GABRA2: variants seen among roughly 807,000 people sequenced by gnomAD.
The protein encoded by GABRA2 is gamma-aminobutyric acid type A receptor subunit alpha2, also known as gamma-aminobutyric acid receptor subunit alpha-2.
Under a neutral mutation model 48.7 loss-of-function variants are expected in GABRA2, and 16 were observed. The observed-to-expected ratio is 0.33, with a 90% CI of 0.22 to 0.50. GABRA2 has a LOEUF of 0.50. GABRA2 is among the 20% of genes least tolerant of loss of function. The probability of loss-of-function intolerance (pLI) is 0.98; values close to 1 mark genes in which losing one functional copy is unlikely to be tolerated. For synonymous variants in GABRA2, 185 were observed against 184.5 expected (o/e 1.00, Z -0.02); for missense variants, 275 against 535.6 (o/e 0.51, Z 4.80).
chr4:46,334,099 T>C lies in GABRA2; in HGVS notation c.188-1417A>G, dbSNP rs575684765. 5.9e-5 allele frequency among the ~76,000 whole-genome samples: 9 copies of C among 152,192 alleles called. No individual in the cohort carries two copies. The South Asian group carries it at 1.2e-3, about 21-fold the overall frequency. ...TATTATAAAAGCATTAGAAAATAAA[T>C]TTATAAAATTATTTCAGATGCCACC... is the stretch of plus-strand genomic sequence containing the variant. On this transcript the variant is annotated intron_variant, in intron 3 of 9. Coordinates refer to ENST00000381620, the MANE Select transcript of GABRA2 (RefSeq NM_000807.4).
intron 8 of GABRA2, among the ~76,000 whole-genome samples, chr4:46,273,378 C>CTGTGTGTGTG (rs1181785534): frequency 1.9e-5 from 2 of 105,390 alleles, no homozygotes; most frequent in South Asian, 1.0e-3. Flanking sequence ...CTCTCTCTCC[C>CTGTGTGTGTG]TCTGTGTGTG....
At chr4:46,360,529 C>T (rs2109955383) in intron 3 of GABRA2, among the ~76,000 whole-genome samples, 1 of 152,282 alleles carries the variant, frequency 6.6e-6, no homozygotes, top group South Asian at 2.1e-4. Flanking sequence ...AATAGTAAGC[C>T]CATTAAACCT....
chr4:46,369,279 T>C (rs1242247862), intron 3 of GABRA2, among the ~76,000 whole-genome samples: 1 of 152,084 alleles, frequency 6.6e-6, no homozygotes, highest in African/African-American at 2.4e-5. Context: ...ATTGGGAATT[T>C]CAGCTTGGGG....
In GABRA2 at chr4:46,305,593, T is replaced by G; in HGVS notation, c.678A>C (p.Gly226=). The G allele has an allele frequency of 6.2e-7, 1 of 1,613,886 alleles. No individual in the cohort carries two copies. The highest frequency in any genetic ancestry group is 8.5e-7 in the Non-Finnish European group (1 of 1,179,918). The change falls in exon 7 of 10, where the codon GGA becomes GGC. Residue 226 remains glycine (G), a synonymous_variant. Coordinates refer to ENST00000381620, the MANE Select transcript of GABRA2 (RefSeq NM_000807.4). ...CTGTACTGGATTTAATTGTCTCCTT[T>G]CCGATTGATTGGCCCAGCAGGTCAT... The part of the protein sequence containing the change: ...NQYDLLGQSI[G]KETIKSSTGE...
At chr4:46,294,164 C>G (rs1724202025) in intron 8 of GABRA2, among the ~76,000 whole-genome samples, 1 of 152,200 alleles carries the variant, frequency 6.6e-6, no homozygotes, top group Non-Finnish European at 1.5e-5. Context: ...CAGACAGAAA[C>G]TAATCACTTT....
At chr4:46,252,527 C>A (rs940176592) in intron 9 of GABRA2, among the ~76,000 whole-genome samples, 3 of 151,402 alleles carry the variant, frequency 2.0e-5, no homozygotes, top group African/African-American at 7.3e-5. Flanking sequence ...TTGACCAGGT[C>A]TGCGCCTATT....
intron 3 of GABRA2, among the ~76,000 whole-genome samples, chr4:46,377,335 T>G (rs1396644412): frequency 1.4e-5 from 2 of 146,472 alleles, no homozygotes; most frequent in African/African-American, 2.6e-5. Context: ...GTGAGGAGCG[T>G]CTCTGCCCAG....
intron 3 of GABRA2, chr4:46,366,991 T>C (rs920340745): frequency 6.6e-6 from 1 of 152,090 alleles, no homozygotes; most frequent in African/African-American, 2.4e-5. Flanking sequence ...ACTGAAGCCA[T>C]AGAGCCTTTG....
chr4:46,287,588 A>C (rs1722800053), intron 8 of GABRA2, among the ~76,000 whole-genome samples: 1 of 132,352 alleles, frequency 7.6e-6, no homozygotes, highest in African/African-American at 2.9e-5. Flanking sequence ...ATGAGATCAC[A>C]TGGACACAGG....
intron 8 of GABRA2, among the ~76,000 whole-genome samples, chr4:46,291,781 A>ATG (rs1553906990): frequency 4.0e-5 from 6 of 149,838 alleles, no homozygotes; most frequent in Non-Finnish European, 8.9e-5. Flanking sequence ...ACACACATAT[A>ATG]TATATATATA....
chr4:46,296,372 A>G (rs976487584), intron 8 of GABRA2, among the ~76,000 whole-genome samples: 1 of 152,146 alleles, frequency 6.6e-6, no homozygotes, highest in African/African-American at 2.4e-5. Context: ...TTGAACTAGA[A>G]GTTAAGATTG....
At chr4:46,276,614 AAAG>A (rs1206867129) in intron 8 of GABRA2, among the ~76,000 whole-genome samples, 9 of 152,004 alleles carry the variant, frequency 5.9e-5, no homozygotes, top group African/African-American at 1.7e-4. Flanking sequence ...AAAAAAAAAA[AAAG>A]AGCGTAGTTT....
At chr4:46,291,796 T>TATATATATATAC (rs1292821999) in intron 8 of GABRA2, among the ~76,000 whole-genome samples, 181 of 150,260 alleles carry the variant, frequency 1.2e-3, no homozygotes, top group African/African-American at 4.3e-3. Context: ...TATATACATA[T>TATATATATATAC]ACATATATAT....
At chr4:46,343,633 C>T (rs1733664173) in intron 3 of GABRA2, among the ~76,000 whole-genome samples, 1 of 151,904 alleles carries the variant, frequency 6.6e-6, no homozygotes, top group Non-Finnish European at 1.5e-5. Context: ...ACAGGCACAG[C>T]TAACATGCAC....
intron 3 of GABRA2, among the ~76,000 whole-genome samples, chr4:46,373,684 C>T (rs748721849): frequency 1.3e-5 from 2 of 152,118 alleles, no homozygotes; most frequent in African/African-American, 2.4e-5. Context: ...AAATCCTCTG[C>T]TTCCTTAAAA....
At chr4:46,317,577 T>G (rs989023318) in intron 4 of GABRA2, among the ~76,000 whole-genome samples, 2 of 151,658 alleles carry the variant, frequency 1.3e-5, no homozygotes, top group African/African-American at 4.8e-5. Context: ...CCTAGTTAGG[T>G]GAATTTACAA....
At chr4:46,275,039 G>A (rs1050637156) in intron 8 of GABRA2, among the ~76,000 whole-genome samples, 1 of 152,036 alleles carries the variant, frequency 6.6e-6, no homozygotes, top group African/African-American at 2.4e-5. Flanking sequence ...TTCCCACCTT[G>A]GGAAAGAATT....
intron 3 of GABRA2, among the ~76,000 whole-genome samples, chr4:46,384,669 C>G (rs1717206847): frequency 1.3e-5 from 2 of 152,084 alleles, no homozygotes; most frequent in South Asian, 4.1e-4. Flanking sequence ...TGCAATATGC[C>G]TCTTAAACCA....
intron 9 of GABRA2, among the ~76,000 whole-genome samples, chr4:46,253,133 G>A (rs1286844946): frequency 2.7e-5 from 4 of 150,934 alleles, no homozygotes; most frequent in Admixed American, 6.7e-5. Context: ...TAAGGTGTAG[G>A]ATTTAGGCAT....
Sources: allele counts gnomAD v4.1 joint callset (sites outside exome capture counted in the v4.1 genomes callset), GRCh38; gene constraint gnomAD v4.1.1; transcripts MANE v1.5; gene names NCBI Gene and HGNC (gene_info 2026-07-23, HGNC 2026-07-21).